The following ARHGAP24 variants were observed in gnomAD, a reference collection of about 807,000 sequenced individuals.
ARHGAP24 encodes rho GTPase-activating protein 24.
In ARHGAP24, 50 loss-of-function variants were observed where a neutral mutation model predicts 76.4. The ratio of observed to expected loss-of-function variants is 0.65; its 90% CI spans 0.52 to 0.83. ARHGAP24 has a LOEUF of 0.83. Ranked by LOEUF, ARHGAP24 falls within the 40% of genes least tolerant of loss-of-function variation. The pLI is 0.00. For synonymous variants in ARHGAP24, 345 were observed against 323.3 expected, an observed-to-expected ratio of 1.07 and a Z score of -0.72; for missense variants, 930 against 914.2, an observed-to-expected ratio of 1.02 and a Z score of -0.22.
At chr4:85,696,681 G>A (rs1390293303) in intron 2 of ARHGAP24, among the ~76,000 whole-genome samples, 2 of 152,184 alleles carry the variant, frequency 1.3e-5, no homozygotes, top group Non-Finnish European at 2.9e-5. Flanking sequence ...TTGTCTCACA[G>A]ACATAACATT....
intron 2 of ARHGAP24, among the ~76,000 whole-genome samples, chr4:85,618,727 A>T (rs1404602793): frequency 6.6e-6 from 1 of 152,016 alleles, no homozygotes; most frequent in African/African-American, 2.4e-5. Context: ...CCCTGATGAC[A>T]AGTGATGTTG....
intron 3 of ARHGAP24, among the ~76,000 whole-genome samples, chr4:85,856,754 G>A (rs1222875943): frequency 1.3e-5 from 2 of 152,072 alleles, no homozygotes; most frequent in African/African-American, 4.8e-5. Context: ...ACAGACATGA[G>A]CCACCGCGCC....
intron 2 of ARHGAP24, among the ~76,000 whole-genome samples, chr4:85,719,007 T>C (rs1278309139): frequency 6.6e-6 from 1 of 152,154 alleles, no homozygotes; most frequent in Non-Finnish European, 1.5e-5. Flanking sequence ...GAGTTATACA[T>C]ACACACACAA....
chr4:85,827,958 A>C lies in ARHGAP24; in HGVS notation c.269-95690A>C, dbSNP rs1458702843. The C allele has an allele frequency of 2.0e-5, 26 of 1,289,578 alleles. 1 individual carries two copies. The Admixed American group carries it at 5.7e-4, about 28-fold the overall frequency. The allele number at this position is 1,289,578 out of a possible 1,614,324, so 79.9% of individuals were successfully genotyped here. On this transcript the variant is annotated intron_variant, in intron 3 of 9. Transcript: ENST00000395184. ...GCCTGCATTTGTCACTGACCACTGAAGTGTATGTTTGTGCAAGGTGAGAGC... is the reference window on the plus strand; with the variant it reads ...GCCTGCATTTGTCACTGACCACTGACGTGTATGTTTGTGCAAGGTGAGAGC...
At chr4:85,750,374 G>A (rs1726210565) in intron 3 of ARHGAP24, among the ~76,000 whole-genome samples, 1 of 151,902 alleles carries the variant, frequency 6.6e-6, no homozygotes, top group Non-Finnish European at 1.5e-5. Context: ...GAGACTGGGA[G>A]GGTCAAGATG....
At chr4:85,979,025 T>C (rs1196457464) in intron 8 of ARHGAP24, among the ~76,000 whole-genome samples, 1 of 152,200 alleles carries the variant, frequency 6.6e-6, no homozygotes, top group Non-Finnish European at 1.5e-5. Flanking sequence ...TTATTTCACT[T>C]GTAGAGTTTC....
intron 3 of ARHGAP24, among the ~76,000 whole-genome samples, chr4:85,744,650 C>T (rs1031483664): frequency 3.3e-5 from 5 of 152,218 alleles, no homozygotes; most frequent in Middle Eastern, 3.4e-3. Context: ...CCACCCTCCA[C>T]GCGTTAGAGG....
intron 3 of ARHGAP24, among the ~76,000 whole-genome samples, chr4:85,913,344 T>C (rs1735190898): frequency 6.6e-6 from 1 of 151,438 alleles, no homozygotes; most frequent in African/African-American, 2.4e-5. Context: ...CTACATCTAG[T>C]TGCCTAATCT....
chr4:85,784,145 T>C (rs1460558589), intron 3 of ARHGAP24, among the ~76,000 whole-genome samples: 1 of 152,216 alleles, frequency 6.6e-6, no homozygotes, highest in Non-Finnish European at 1.5e-5. Context: ...AATTAACAGT[T>C]AAATTCAACA....
intron 8 of ARHGAP24, among the ~76,000 whole-genome samples, chr4:85,994,129 T>G (rs1370050900): frequency 6.6e-6 from 1 of 152,182 alleles, no homozygotes; most frequent in African/African-American, 2.4e-5. Flanking sequence ...ATCTTGATAG[T>G]TTGAGGCAAT....
intron 2 of ARHGAP24, among the ~76,000 whole-genome samples, chr4:85,689,862 T>C (rs1180471781): frequency 6.6e-6 from 1 of 152,220 alleles, no homozygotes; most frequent in Non-Finnish European, 1.5e-5. Flanking sequence ...TATTTCTTTC[T>C]TTTGCCTGAT....
chr4:85,724,192 C>A (rs1387174669), intron 3 of ARHGAP24, among the ~76,000 whole-genome samples: 1 of 152,164 alleles, frequency 6.6e-6, no homozygotes, highest in African/African-American at 2.4e-5. Flanking sequence ...CTATAAAATT[C>A]TTTCAATTGC....
intron 2 of ARHGAP24, among the ~76,000 whole-genome samples, chr4:85,634,530 C>A (rs764272769): frequency 2.4e-4 from 37 of 151,854 alleles, no homozygotes; most frequent in Non-Finnish European, 5.2e-4. Flanking sequence ...TCCACTCTTG[C>A]ATTCCTCTTT....
At chr4:85,928,033 A>G (rs1179143015) in intron 4 of ARHGAP24, among the ~76,000 whole-genome samples, 1 of 152,172 alleles carries the variant, frequency 6.6e-6, no homozygotes, top group Non-Finnish European at 1.5e-5. Flanking sequence ...GGGGCAGGGA[A>G]CCAAGGGAAA....
Position 85,852,608 on chromosome 4 carries a change from A to G in ARHGAP24, c.269-71040A>G, listed in dbSNP as rs182086354. 2.5e-3 allele frequency among the ~76,000 whole-genome samples: 374 copies of G among 152,202 alleles called. 2 individuals carry two copies. Among genetic ancestry groups the G allele is most frequent in the African/African-American group, 8.6e-3 (359 of 41,510 alleles). Reference sequence around the variant, plus strand: ...TGTTTTTATCTACCTTTGGTCTTTGATGATGGTGACCTACAGATGGGGTTA... The same window carrying G: ...TGTTTTTATCTACCTTTGGTCTTTGGTGATGGTGACCTACAGATGGGGTTA... On this transcript the variant is annotated intron_variant, in intron 3 of 9. Transcript: ENST00000395184.
At chr4:85,596,137 A>G (rs1352532438) in intron 2 of ARHGAP24, among the ~76,000 whole-genome samples, 1 of 151,950 alleles carries the variant, frequency 6.6e-6, no homozygotes, top group African/African-American at 2.4e-5. Context: ...TGGTATAAAC[A>G]GAATGGAATA....
At chr4:85,627,817 G>C (rs1721016478) in intron 2 of ARHGAP24, among the ~76,000 whole-genome samples, 1 of 152,228 alleles carries the variant, frequency 6.6e-6, no homozygotes. Context: ...CTTGCAGTTT[G>C]ATCTTGGACT....
At chr4:85,992,067 A>G (rs1740365005) in intron 8 of ARHGAP24, 2 of 397,184 alleles carry the variant, frequency 5.0e-6, no homozygotes, top group Non-Finnish European at 8.9e-6. Context: ...CGTGTAGCAC[A>G]GTGGAACTCC....
intron 3 of ARHGAP24, among the ~76,000 whole-genome samples, chr4:85,905,172 T>G (rs1734704177): frequency 6.6e-6 from 1 of 152,182 alleles, no homozygotes; most frequent in Non-Finnish European, 1.5e-5. Context: ...AAGGATGCAT[T>G]TCCATAGTAT....
Sources: allele counts gnomAD v4.1 joint callset (sites outside exome capture counted in the v4.1 genomes callset), GRCh38; gene constraint gnomAD v4.1.1; transcripts MANE v1.5; gene names NCBI Gene and HGNC (gene_info 2026-07-23, HGNC 2026-07-21).